The following GRID1 variants were observed in gnomAD, a reference collection of about 807,000 sequenced individuals.
GRID1 encodes glutamate ionotropic receptor delta type subunit 1.
A neutral mutation model predicts 98.0 loss-of-function variants in GRID1; 28 were observed. The ratio of observed to expected loss-of-function variants is 0.29; its 90% CI spans 0.21 to 0.39. GRID1 has a LOEUF of 0.39. GRID1 is among the 10% of genes least tolerant of loss of function. The probability of loss-of-function intolerance (pLI) is 1.00; values close to 1 mark genes in which losing one functional copy is unlikely to be tolerated. For synonymous variants in GRID1, 553 were observed against 538.5 expected (o/e 1.03, Z -0.37); for missense variants, 1,111 against 1,340.5 (o/e 0.83, Z 2.67).
intron 4 of GRID1, among the ~76,000 whole-genome samples, chr10:86,123,763 G>A (rs950971949): frequency 2.6e-5 from 4 of 152,226 alleles, no homozygotes; most frequent in Non-Finnish European, 4.4e-5. Flanking sequence ...AGAGTCCTTG[G>A]AGCAGCAAGG....
At chr10:86,179,324 T>A (rs912122927) in intron 3 of GRID1, among the ~76,000 whole-genome samples, 3 of 151,254 alleles carry the variant, frequency 2.0e-5, no homozygotes, top group African/African-American at 7.3e-5. Flanking sequence ...TCCCTCCATC[T>A]TTCTCCTTGC....
intron 4 of GRID1, among the ~76,000 whole-genome samples, chr10:86,029,412 G>A (rs544627671): frequency 6.6e-6 from 1 of 152,320 alleles, no homozygotes; most frequent in South Asian, 2.1e-4. Flanking sequence ...TCACCTTTAA[G>A]AGGTCTTATC....
chr10:85,851,788 C>T (rs1372335333), intron 8 of GRID1, among the ~76,000 whole-genome samples: 1 of 152,130 alleles, frequency 6.6e-6, no homozygotes, highest in Admixed American at 6.5e-5. Flanking sequence ...AAGAGAGCTG[C>T]GACTCCTTGG....
In GRID1 at chr10:86,083,123, G is replaced by C. The variant is rs1243716339; in HGVS notation, c.726+55696C>G. Among the ~76,000 whole-genome samples, 5 of 152,366 alleles carry C rather than the reference G, an allele frequency of 3.3e-5. 1 individual carries two copies. The highest frequency in any genetic ancestry group is 3.3e-4 in the Admixed American group (5 of 15,310). On this transcript the variant is annotated intron_variant, in intron 4 of 15. Transcript: ENST00000327946. ...GTGAACAGGTGAGTGCAAGTGGACTGAAATGTCACGTGGCCTGGCTCCCAT... is the reference window on the plus strand; with the variant it reads ...GTGAACAGGTGAGTGCAAGTGGACTCAAATGTCACGTGGCCTGGCTCCCAT...
rs925255128 is a variant in GRID1, at chr10:86,290,627, T to G, written c.235+73314A>C. On this transcript the variant is annotated intron_variant, in intron 2 of 15. Transcript: ENST00000327946. ...AAGATCATGACACTGCACTCCAGCC[T>G]GGGCAACAGAGCAAGACTCTGTCTC... 1.2e-4 allele frequency among the ~76,000 whole-genome samples: 18 copies of G among 151,506 alleles called. 1 individual carries two copies. The highest frequency in any genetic ancestry group is 4.1e-4 in the African/African-American group (17 of 41,170).
chr10:85,919,943 G>A (rs199913293), intron 4 of GRID1, among the ~76,000 whole-genome samples: 14 of 151,864 alleles, frequency 9.2e-5, no homozygotes, highest in Admixed American at 9.2e-4. Flanking sequence ...CCCAACACCA[G>A]CCAACACCCC....
rs551605302 is a variant in GRID1 at position 85,799,472 on chromosome 10, C to T, written c.1233+55024G>A. ...CTAAGATATAGAATCAACCTAAGTG[C>T]CTACCAATGGATGAATAGATTTTTA... On this transcript the variant is annotated intron_variant, in intron 8 of 15. Transcript: ENST00000327946. 2.0e-5 allele frequency among the ~76,000 whole-genome samples: 3 copies of T among 152,140 alleles called. No individual in the cohort carries two copies. In the South Asian group the frequency reaches 6.2e-4, roughly 32 times the overall value.
intron 12 of GRID1, among the ~76,000 whole-genome samples, chr10:85,686,260 G>A (rs1014965904): frequency 6.6e-6 from 1 of 152,110 alleles, no homozygotes; most frequent in African/African-American, 2.4e-5. Context: ...GGAAATCAGT[G>A]GAGATTGTCA....
At chr10:85,685,566 T>C (rs1240893159) in intron 12 of GRID1, among the ~76,000 whole-genome samples, 2 of 152,092 alleles carry the variant, frequency 1.3e-5, no homozygotes, top group African/African-American at 2.4e-5. Context: ...AAAACATATA[T>C]GGAAATGAAA....
In GRID1 at chr10:85,929,644, T is replaced by C. The variant is rs1244322486; in HGVS notation, c.727-13405A>G. On this transcript the variant is annotated intron_variant, in intron 4 of 15. Coordinates refer to ENST00000327946, the MANE Select transcript of GRID1 (RefSeq NM_017551.3). ...TAATTTCAAAGCACAATGTTACAAT[T>C]ACAGACAATAGTTTCTAAGCCTATT... is the stretch of plus-strand genomic sequence containing the variant. 2.6e-5 allele frequency among the ~76,000 whole-genome samples: 4 copies of C among 152,216 alleles called. No individual in the cohort carries two copies. The East Asian group carries it at 7.7e-4, about 29-fold the overall frequency.
At chr10:85,822,259 A>C (rs1234319657) in intron 8 of GRID1, among the ~76,000 whole-genome samples, 3 of 152,228 alleles carry the variant, frequency 2.0e-5, no homozygotes, top group South Asian at 4.1e-4. Flanking sequence ...CAACCTACAG[A>C]ATGGGAGAAA....
At chr10:85,885,135 A>G (rs1244665927) in intron 5 of GRID1, among the ~76,000 whole-genome samples, 1 of 152,232 alleles carries the variant, frequency 6.6e-6, no homozygotes, top group Non-Finnish European at 1.5e-5. Context: ...TTTGAATCAA[A>G]TAAATTAAGA....
chr10:85,773,200 T>C (rs1156640863), intron 8 of GRID1, among the ~76,000 whole-genome samples: 1 of 152,164 alleles, frequency 6.6e-6, no homozygotes, highest in African/African-American at 2.4e-5. Flanking sequence ...ATCCAGCATA[T>C]AAACAGAACC....
At chr10:85,655,006 G>A (rs769704516) in intron 12 of GRID1, among the ~76,000 whole-genome samples, 12 of 152,198 alleles carry the variant, frequency 7.9e-5, no homozygotes, top group Non-Finnish European at 1.8e-4. Context: ...AGCCAAGTCA[G>A]GAGCTCAATG....
At chr10:86,298,519 G>A (rs901651465) in intron 2 of GRID1, among the ~76,000 whole-genome samples, 8 of 152,174 alleles carry the variant, frequency 5.3e-5, no homozygotes, top group African/African-American at 1.4e-4. Context: ...GTGGGGCTAT[G>A]GGCAGCCCTG....
At chr10:86,333,088 C>A (rs928630160) in intron 2 of GRID1, among the ~76,000 whole-genome samples, 2 of 152,206 alleles carry the variant, frequency 1.3e-5, no homozygotes, top group Non-Finnish European at 2.9e-5. Context: ...CCACTCAAAC[C>A]TCCAGCCTCA....
chr10:86,332,050 C>G (rs1299373335), intron 2 of GRID1, among the ~76,000 whole-genome samples: 1 of 152,234 alleles, frequency 6.6e-6, no homozygotes, highest in East Asian at 1.9e-4. Flanking sequence ...AACACCACAG[C>G]ACCTGCCAAT....
intron 2 of GRID1, among the ~76,000 whole-genome samples, chr10:86,244,014 A>G (rs944570343): frequency 1.3e-5 from 2 of 152,136 alleles, no homozygotes; most frequent in Non-Finnish European, 2.9e-5. Context: ...ATATACATAC[A>G]TGTATACATG....
Position 85,599,802 on chromosome 10 carries a change from A to AAAAAAAAAAAAAAAAAAAAAAT in GRID1, c.*2470_*2471insATTTTTTTTTTTTTTTTTTTTT. 4.6e-5 allele frequency: 3 copies of AAAAAAAAAAAAAAAAAAAAAAT among 64,984 alleles called. No individual in the cohort carries two copies. The highest frequency in any genetic ancestry group is 1.9e-4 in the African/African-American group (2 of 10,732). 4.0% of individuals were successfully genotyped at this position (64,984 alleles called of 1,614,324 possible). A position where few individuals can be genotyped will look rare whatever the true frequency, so the allele number is the denominator to read the frequency against. On this transcript the variant is annotated 3_prime_UTR_variant, in exon 16 of 16. Transcript: ENST00000327946. ...GTAGAAAATTCTAAAAAAAAAAAAA[A>AAAAAAAAAAAAAAAAAAAAAAT]ATATATATATATATATATAAACATG...
Sources: allele counts gnomAD v4.1 joint callset (sites outside exome capture counted in the v4.1 genomes callset), GRCh38; gene constraint gnomAD v4.1.1; transcripts MANE v1.5; gene names NCBI Gene and HGNC (gene_info 2026-07-23, HGNC 2026-07-21).